The following PCDHGB1 variants were observed in gnomAD, a reference collection of about 807,000 sequenced individuals.
PCDHGB1 encodes protocadherin gamma subfamily B, 1, also known as protocadherin gamma-B1.
A neutral mutation model predicts 56.6 loss-of-function variants in PCDHGB1; 34 were observed. That is an observed-to-expected ratio of 0.60 (90% CI 0.46 to 0.80). The LOEUF is 0.80. Among genes scored for constraint, PCDHGB1 ranks in the 30% least tolerant of loss-of-function variants. The pLI, the probability that PCDHGB1 is intolerant of heterozygous loss-of-function variation, is 0.00. For synonymous variants in PCDHGB1, 561 were observed against 505.9 expected (o/e 1.11, Z -1.46); for missense variants, 1,278 against 1,204.6 (o/e 1.06, Z -0.90).
Position 141,490,483 on chromosome 5 carries a change from G to A in PCDHGB1, c.2410-4324G>A. On this transcript the variant is annotated intron_variant, in intron 1 of 3. Transcript: ENST00000523390. The surrounding 1 kb of genome is among the most constrained non-coding windows in gnomAD (Gnocchi z 5.4). ...GCTAACCAGCCAGCCTTTGGACCGG[G>A]AGGCCACATCCCACTATATCATCGA... 2.5e-6 allele frequency: 4 copies of A among 1,614,198 alleles called. No individual in the cohort carries two copies. Among genetic ancestry groups the A allele is most frequent in the Non-Finnish European group, 3.4e-6 (4 of 1,180,046 alleles).
intron 1 of PCDHGB1, chr5:141,421,488 G>C: frequency 3.1e-6 from 5 of 1,614,100 alleles, no homozygotes; most frequent in Non-Finnish European, 4.2e-6. Flanking sequence ...GCTTGATCAC[G>C]GCAGGCAGGA....
chr5:141,478,434 T>C (rs747890986), intron 1 of PCDHGB1: 2 of 1,613,700 alleles, frequency 1.2e-6, no homozygotes, highest in East Asian at 2.2e-5. Flanking sequence ...GACCCGCTGC[T>C]GAAGAAACCT....
At chr5:141,462,648 C>T (rs2099044153) in intron 1 of PCDHGB1, among the ~76,000 whole-genome samples, 1 of 137,364 alleles carries the variant, frequency 7.3e-6, no homozygotes, top group Admixed American at 7.1e-5. Flanking sequence ...TCATTTCCAT[C>T]CTCAATTATC....
chr5:141,390,749 ACT>A (rs2092225079), intron 1 of PCDHGB1: 1 of 170,960 alleles, frequency 5.8e-6, no homozygotes, highest in Admixed American at 5.7e-5. Flanking sequence ...ATAGTAGTCC[ACT>A]GTTTTGTTTC....
intron 1 of PCDHGB1, chr5:141,468,351 A>G (rs1030472813): frequency 6.7e-6 from 1 of 149,192 alleles, no homozygotes; most frequent in Non-Finnish European, 1.5e-5. Context: ...AAAAAAAAAG[A>G]AAGAAAAAAG....
chr5:141,400,384 G>A (rs1335444355), intron 1 of PCDHGB1: 2 of 1,614,054 alleles, frequency 1.2e-6, no homozygotes, highest in South Asian at 1.1e-5. Flanking sequence ...CCTATGTGTT[G>A]CACATACAGG....
chr5:141,394,622 G>A (rs1472873845), intron 1 of PCDHGB1: 32 of 1,613,496 alleles, frequency 2.0e-5, no homozygotes, highest in Non-Finnish European at 2.6e-5. Flanking sequence ...AGAACGCCTG[G>A]CTGTCCTACC....
intron 1 of PCDHGB1, among the ~76,000 whole-genome samples, chr5:141,435,946 A>C (rs953432473): frequency 6.6e-6 from 1 of 152,174 alleles, no homozygotes; most frequent in Non-Finnish European, 1.5e-5. Flanking sequence ...CTGAGACCAA[A>C]AAAGGGGGCA....
rs375487349 is a variant in PCDHGB1, at chr5:141,383,260, G to T, written c.2409+30591G>T. On this transcript the variant is annotated intron_variant, in intron 1 of 3. Transcript: ENST00000523390. ...TAAAATGAATCTTTACCCTATAGAC[G>T]TGGAAATAATAGATATTAATGACAA... is the stretch of plus-strand genomic sequence containing the variant. 2 of 1,613,782 alleles carry T rather than the reference G, an allele frequency of 1.2e-6. No homozygotes were observed. The highest frequency in any genetic ancestry group is 1.7e-6 in the Non-Finnish European group (2 of 1,179,874).
At chr5:141,372,359 A>T in intron 1 of PCDHGB1, 1 of 1,613,954 alleles carries the variant, frequency 6.2e-7, no homozygotes, top group Non-Finnish European at 8.5e-7. Flanking sequence ...AGCCTCTTTC[A>T]GCCACCGTCA....
At chr5:141,357,465 C>T (rs760807195) in intron 1 of PCDHGB1, 3 of 1,614,226 alleles carry the variant, frequency 1.9e-6, no homozygotes, top group South Asian at 1.1e-5. Flanking sequence ...CCTATTCCCA[C>T]GAGGTCTCCC....
chr5:141,422,580 C>T (rs1310564205), intron 1 of PCDHGB1: 10 of 1,613,934 alleles, frequency 6.2e-6, no homozygotes, highest in Non-Finnish European at 8.5e-6. Flanking sequence ...ATAACCCTCC[C>T]GTTTTTCCTC....
chr5:141,394,290 G>A (rs759077173), intron 1 of PCDHGB1: 11 of 1,613,800 alleles, frequency 6.8e-6, no homozygotes, highest in Non-Finnish European at 8.5e-6. Context: ...CTCTGTGACC[G>A]AGGACACGCT....
chr5:141,471,046 CTTTTT>C (rs1170588345), intron 1 of PCDHGB1, among the ~76,000 whole-genome samples: 2 of 113,276 alleles, frequency 1.8e-5, no homozygotes, highest in Non-Finnish European at 3.6e-5. Context: ...CCCAAGCCCT[CTTTTT>C]TTTTTTTTTT....
intron 1 of PCDHGB1, chr5:141,362,388 C>G (rs1267165641): frequency 2.5e-6 from 4 of 1,613,948 alleles, no homozygotes; most frequent in African/African-American, 2.7e-5. Flanking sequence ...TGCCCTATTC[C>G]TACAACCTGT....
chr5:141,476,798 C>T lies in PCDHGB1; in HGVS notation c.2410-18009C>T. 3.1e-6 allele frequency: 5 copies of T among 1,613,660 alleles called. No homozygotes were observed. The highest frequency in any genetic ancestry group is 4.2e-6 in the Non-Finnish European group (5 of 1,180,028). ...AGGGACCCCAGCTCTCTCCGCCAGC[C>T]TGCCTATTCACATCAAGGTGCTGGA... On this transcript the variant is annotated intron_variant, in intron 1 of 3. Coordinates refer to ENST00000523390, the MANE Select transcript of PCDHGB1 (RefSeq NM_018922.3). This position sits in a 1 kb window ranked among gnomAD's most constrained non-coding sequence, Gnocchi z 7.6.
intron 1 of PCDHGB1, chr5:141,413,293 C>G: frequency 6.2e-7 from 1 of 1,613,946 alleles, no homozygotes; most frequent in South Asian, 1.1e-5. Context: ...CTACTCAATT[C>G]CTGAGGAATT....
At position 141,487,370 on chromosome 5, in the gene PCDHGB1, T is replaced by C; in HGVS notation, c.2410-7437T>C. 6.2e-7 allele frequency: 1 copy of C among 1,614,232 alleles called. No individual in the cohort carries two copies. Among genetic ancestry groups the C allele is most frequent in the South Asian group, 1.1e-5 (1 of 91,080 alleles). On this transcript the variant is annotated intron_variant, in intron 1 of 3. Transcript: ENST00000523390. The surrounding 1 kb of genome is among the most constrained non-coding windows in gnomAD (Gnocchi z 5.0). ...ATGCTTTCCTGCTGGCACCTGTGCC[T>C]GTCTCACCAGATCTCGAAGGAGGGA... is the stretch of plus-strand genomic sequence containing the variant.
intron 1 of PCDHGB1, chr5:141,414,163 G>A (rs1455950284): frequency 5.6e-6 from 9 of 1,603,256 alleles, no homozygotes; most frequent in Non-Finnish European, 7.7e-6. Flanking sequence ...AGATGGAGGA[G>A]CATATCTTGC....
Sources: allele counts gnomAD v4.1 joint callset (sites outside exome capture counted in the v4.1 genomes callset), GRCh38; gene constraint gnomAD v4.1.1; non-coding constraint Gnocchi (gnomAD v3.1); transcripts MANE v1.5; gene names NCBI Gene and HGNC (gene_info 2026-07-23, HGNC 2026-07-21).